Variants in EYA1 observed in about 807,000 individuals in gnomAD.
The protein encoded by EYA1 is protein phosphatase EYA1.
In EYA1, 16 loss-of-function variants were observed where a neutral mutation model predicts 82.0. The ratio of observed to expected loss-of-function variants is 0.20; its 90% CI spans 0.13 to 0.30. EYA1 has a LOEUF of 0.30. Ranked by LOEUF, EYA1 falls within the 10% of genes least tolerant of loss-of-function variation. EYA1 has a pLI of 1.00. For missense variants in EYA1, 633 were observed against 730.7 expected (o/e 0.87, Z 1.54); for synonymous variants, 261 against 264.4 (o/e 0.99, Z 0.12).
At chr8:71,317,120 C>T (rs929957244) in intron 7 of EYA1, among the ~76,000 whole-genome samples, 2 of 152,204 alleles carry the variant, frequency 1.3e-5, no homozygotes, top group Non-Finnish European at 2.9e-5. Flanking sequence ...ATGACTGTCA[C>T]TCCCCAAGCT....
At chr8:71,200,883 A>G (rs1421156433) in intron 17 of EYA1, among the ~76,000 whole-genome samples, 1 of 151,628 alleles carries the variant, frequency 6.6e-6, no homozygotes, top group Non-Finnish European at 1.5e-5. Context: ...ATTAACATTC[A>G]GAAAAACACT....
chr8:71,317,218 T>C (rs986806306), intron 7 of EYA1, among the ~76,000 whole-genome samples: 2 of 152,210 alleles, frequency 1.3e-5, no homozygotes, highest in Admixed American at 6.5e-5. Flanking sequence ...ACATGCCATA[T>C]CACAACCTCC....
chr8:71,321,866 G>T lies in EYA1; in HGVS notation c.286C>A (p.His96Asn). 6.2e-7 allele frequency: 1 copy of T among 1,614,254 alleles called. No homozygotes were observed. The highest frequency in any genetic ancestry group is 1.1e-5 in the South Asian group (1 of 91,090). Residue 96 changes from histidine (H) to asparagine (N), a missense_variant, in exon 6 of 18, where the codon CAT (histidine) becomes AAT (asparagine). His to Asn is a moderately conservative substitution (Grantham distance 68). Transcript: ENST00000340726. ...QIYPSNRPYPHILPTPSSQTM... is the reference protein window; with the variant it reads ...QIYPSNRPYPNILPTPSSQTM... ...TGTGAGGAAGGGGTAGGGAGAATATGTGGGTATGGTCTGCTATTTGTCAGA... is the reference window on the plus strand; with the variant it reads ...TGTGAGGAAGGGGTAGGGAGAATATTTGGGTATGGTCTGCTATTTGTCAGA...
At position 71,236,320 on chromosome 8, in the gene EYA1, C is replaced by G. The variant is rs537530182; in HGVS notation, c.1140+8283G>C. On this transcript the variant is annotated intron_variant, in intron 12 of 17. Coordinates refer to ENST00000340726, the MANE Select transcript of EYA1 (RefSeq NM_000503.6). ...CTAAGTGCTGAGATTAAGGCATGAG[C>G]CACAGCACCTGGCCGAATTTTACAC... Among the ~76,000 whole-genome samples the G allele has an allele frequency of 6.6e-5, 10 of 152,260 alleles. No individual in the cohort carries two copies. The South Asian group carries it at 1.9e-3, about 28-fold the overall frequency.
intron 2 of EYA1, among the ~76,000 whole-genome samples, chr8:71,520,271 G>C (rs2129268996): frequency 6.6e-6 from 1 of 152,078 alleles, no homozygotes; most frequent in East Asian, 1.9e-4. Context: ...AGCTGGGCCT[G>C]TGAAGAAACT....
chr8:71,512,193 C>T (rs1563690038), intron 2 of EYA1, among the ~76,000 whole-genome samples: 2 of 152,154 alleles, frequency 1.3e-5, no homozygotes, highest in Admixed American at 6.6e-5. Context: ...TCACTAGCTT[C>T]TCCATAATTT....
intron 2 of EYA1, among the ~76,000 whole-genome samples, chr8:71,421,469 G>A (rs1365708953): frequency 1.3e-5 from 2 of 152,150 alleles, no homozygotes; most frequent in Non-Finnish European, 2.9e-5. Context: ...GCCAGTCTAG[G>A]AATTTTCTTC....
chr8:71,502,013 T>C (rs1489865171), intron 2 of EYA1, among the ~76,000 whole-genome samples: 2 of 152,196 alleles, frequency 1.3e-5, no homozygotes, highest in Non-Finnish European at 2.9e-5. Context: ...TTATGAGATA[T>C]GCATGTCAAA....
At chr8:71,284,746 T>C (rs779387536) in intron 9 of EYA1, among the ~76,000 whole-genome samples, 1 of 152,208 alleles carries the variant, frequency 6.6e-6, no homozygotes, top group East Asian at 1.9e-4. Flanking sequence ...GGAAAGGATA[T>C]CCTGTCATTG....
chr8:71,267,652 C>T (rs998164345), intron 11 of EYA1, among the ~76,000 whole-genome samples: 17 of 152,138 alleles, frequency 1.1e-4, no homozygotes, highest in East Asian at 3.9e-4. Context: ...AGGTTCACGC[C>T]GTTCTCCTGC....
chr8:71,233,885 T>C (rs902396778), intron 12 of EYA1, among the ~76,000 whole-genome samples: 4 of 152,234 alleles, frequency 2.6e-5, no homozygotes, highest in Non-Finnish European at 4.4e-5. Flanking sequence ...AGAAAACATA[T>C]GAGAGCCTTC....
intron 12 of EYA1, among the ~76,000 whole-genome samples, chr8:71,244,144 A>G (rs1476428153): frequency 6.6e-6 from 1 of 152,342 alleles, no homozygotes; most frequent in South Asian, 2.1e-4. Context: ...CAGTCCTGGC[A>G]ACCCAAACAG....
At chr8:71,465,381 A>C (rs1196229482) in intron 2 of EYA1, among the ~76,000 whole-genome samples, 1 of 152,134 alleles carries the variant, frequency 6.6e-6, no homozygotes, top group African/African-American at 2.4e-5. Context: ...CCAGCACTTT[A>C]GGGGGCTGAG....
rs571976425 is a variant in EYA1, at chr8:71,282,644, A to G, written c.827-10747T>C. ...CTGACTCCCTGGGTGCTCTTTCCCA[A>G]TCTCCTTCTCTGGCTCTTCCTCTTT... On this transcript the variant is annotated intron_variant, in intron 9 of 17. Coordinates refer to ENST00000340726, the MANE Select transcript of EYA1 (RefSeq NM_000503.6). 2.6e-4 allele frequency among the ~76,000 whole-genome samples: 39 copies of G among 152,142 alleles called. No homozygotes were observed. The South Asian group carries it at 7.5e-3, about 29-fold the overall frequency.
intron 2 of EYA1, among the ~76,000 whole-genome samples, chr8:71,401,594 G>T (rs1829961134): frequency 6.6e-6 from 1 of 152,192 alleles, no homozygotes; most frequent in Admixed American, 6.5e-5. Context: ...AAGAGTAGAG[G>T]TTCTTTGAAT....
chr8:71,232,519 C>T (rs1303426435), intron 12 of EYA1, among the ~76,000 whole-genome samples: 5 of 152,318 alleles, frequency 3.3e-5, no homozygotes, highest in Non-Finnish European at 5.9e-5. Context: ...CACACTGTGA[C>T]GGGAACCAGA....
intron 2 of EYA1, among the ~76,000 whole-genome samples, chr8:71,424,407 G>T (rs1433441597): frequency 6.6e-6 from 1 of 152,126 alleles, no homozygotes; most frequent in Non-Finnish European, 1.5e-5. Context: ...CTAATACTGA[G>T]GTTTAAATAT....
chr8:71,387,859 G>T (rs1829052672), intron 2 of EYA1, among the ~76,000 whole-genome samples: 1 of 152,144 alleles, frequency 6.6e-6, no homozygotes, highest in Admixed American at 6.6e-5. Flanking sequence ...CATGAGGGCA[G>T]TGGAGAACAA....
At chr8:71,463,575 T>TTCTCTC (rs776367934) in intron 2 of EYA1, among the ~76,000 whole-genome samples, 10 of 41,190 alleles carry the variant, frequency 2.4e-4, no homozygotes, top group African/African-American at 4.4e-4. Flanking sequence ...AATACATGCT[T>TTCTCTC]TCTCTCTCTC....
Sources: allele counts gnomAD v4.1 joint callset (sites outside exome capture counted in the v4.1 genomes callset), GRCh38; gene constraint gnomAD v4.1.1; transcripts MANE v1.5; gene names NCBI Gene and HGNC (gene_info 2026-07-23, HGNC 2026-07-21).